The following RUNDC3B variants were observed in gnomAD, a reference collection of about 807,000 sequenced individuals.
RUNDC3B encodes the protein RUN domain-containing protein 3B.
In RUNDC3B, 33 loss-of-function variants were observed where a neutral mutation model predicts 58.4. The observed-to-expected ratio is 0.56, with a 90% confidence interval of 0.43 to 0.75. The LOEUF is 0.75. Among genes scored for constraint, RUNDC3B ranks in the 30% least tolerant of loss-of-function variants. The probability of loss-of-function intolerance (pLI) is 0.00; values close to 1 mark genes in which losing one functional copy is unlikely to be tolerated. For missense variants in RUNDC3B, 501 were observed against 535.7 expected (o/e 0.94, Z 0.64); for synonymous variants, 193 against 195.2 (o/e 0.99, Z 0.10).
At chr7:87,763,600 ATCTT>A (rs1482942945) in intron 6 of RUNDC3B, among the ~76,000 whole-genome samples, 1 of 151,612 alleles carries the variant, frequency 6.6e-6, no homozygotes, top group African/African-American at 2.4e-5. Context: ...TTTTCTGTCT[ATCTT>A]CCATTTTACA....
At chr7:87,674,748 C>T (rs957298623) in intron 2 of RUNDC3B, among the ~76,000 whole-genome samples, 3 of 152,062 alleles carry the variant, frequency 2.0e-5, no homozygotes, top group African/African-American at 4.8e-5. Context: ...CATCTGAGGC[C>T]GCATTGCAAG....
At chr7:87,822,557 T>C (rs1029127790) in intron 10 of RUNDC3B, among the ~76,000 whole-genome samples, 1 of 152,226 alleles carries the variant, frequency 6.6e-6, no homozygotes, top group African/African-American at 2.4e-5. Context: ...CAAAGGACTA[T>C]AAATCATGCT....
At chr7:87,795,371 GA>G (rs1835758975) in intron 8 of RUNDC3B, among the ~76,000 whole-genome samples, 1 of 152,272 alleles carries the variant, frequency 6.6e-6, no homozygotes, top group East Asian at 1.9e-4. Context: ...ACAGGCATAT[GA>G]AAAGGTGCTC....
chr7:87,679,218 A>G (rs1318322929), intron 2 of RUNDC3B, among the ~76,000 whole-genome samples: 1 of 146,636 alleles, frequency 6.8e-6, no homozygotes, highest in Non-Finnish European at 1.5e-5. Flanking sequence ...TCAGCCTCCC[A>G]AGAAGCTGGG....
intron 3 of RUNDC3B, among the ~76,000 whole-genome samples, chr7:87,704,845 A>G (rs905139001): frequency 1.3e-5 from 2 of 152,216 alleles, no homozygotes; most frequent in Non-Finnish European, 2.9e-5. Context: ...CTACTCAGTA[A>G]GTCACATCTC....
chr7:87,757,904 A>G (rs1833460265), intron 6 of RUNDC3B, among the ~76,000 whole-genome samples: 1 of 152,210 alleles, frequency 6.6e-6, no homozygotes, highest in African/African-American at 2.4e-5. Flanking sequence ...GCACTGGGGA[A>G]AGGACACTCT....
chr7:87,823,791 T>TATACAC (rs1420987913), intron 10 of RUNDC3B, among the ~76,000 whole-genome samples: 7 of 143,782 alleles, frequency 4.9e-5, no homozygotes, highest in African/African-American at 1.5e-4. Flanking sequence ...TTCATATATA[T>TATACAC]ACACACACAC....
chr7:87,686,439 A>T (rs1038629444), intron 2 of RUNDC3B, among the ~76,000 whole-genome samples: 17 of 152,214 alleles, frequency 1.1e-4, no homozygotes, highest in African/African-American at 4.1e-4. Context: ...GAGGCATAGA[A>T]GTACCTCAAA....
chr7:87,714,978 A>C (rs982713003), intron 4 of RUNDC3B, among the ~76,000 whole-genome samples: 6 of 152,046 alleles, frequency 3.9e-5, no homozygotes, highest in East Asian at 1.9e-4. Flanking sequence ...TTTACACAAT[A>C]CTGCATGCAA....
At chr7:87,675,701 CAAAG>C (rs1380989959) in intron 2 of RUNDC3B, among the ~76,000 whole-genome samples, 35 of 103,166 alleles carry the variant, frequency 3.4e-4, no homozygotes, top group Middle Eastern at 5.3e-3. Flanking sequence ...AGAAAGAAAA[CAAAG>C]AAAGAGAGAG....
chr7:87,760,736 T>G (rs1358730204), intron 6 of RUNDC3B, among the ~76,000 whole-genome samples: 2 of 152,086 alleles, frequency 1.3e-5, no homozygotes, highest in African/African-American at 2.4e-5. Context: ...TAAAGAATAG[T>G]GTTTTCACTA....
chr7:87,638,345 T>TTGTGTGTGTGTGTGTG (rs71524692), intron 1 of RUNDC3B, among the ~76,000 whole-genome samples: 333 of 144,772 alleles, frequency 2.3e-3, no homozygotes, highest in East Asian at 7.8e-3. Context: ...AAGTATGTGT[T>TTGTGTGTGTGTGTGTG]TGTGTGTGTG....
At chr7:87,809,991 AACATTAGCT>A (rs1171364949) in intron 9 of RUNDC3B, among the ~76,000 whole-genome samples, 1 of 152,152 alleles carries the variant, frequency 6.6e-6, no homozygotes, top group Non-Finnish European at 1.5e-5. Flanking sequence ...TTTAATAAGG[AACATTAGCT>A]CTCTTGACAA....
intron 6 of RUNDC3B, among the ~76,000 whole-genome samples, chr7:87,744,710 A>G (rs540000490): frequency 1.3e-5 from 2 of 152,258 alleles, no homozygotes; most frequent in South Asian, 4.1e-4. Flanking sequence ...AATCATAGGA[A>G]CTTTCTGGAG....
chr7:87,816,007 A>G, intron 9 of RUNDC3B, 134 bp from the exon 10 acceptor site: 1 of 637,760 alleles, frequency 1.6e-6, no homozygotes. Context: ...CAAGAATATG[A>G]AGCAAAATTT....
chr7:87,827,338 T>C (rs1837869942), intron 10 of RUNDC3B, among the ~76,000 whole-genome samples: 1 of 151,770 alleles, frequency 6.6e-6, no homozygotes, highest in Non-Finnish European at 1.5e-5. Flanking sequence ...AAATACAAAA[T>C]TAGCCAGGTG....
In RUNDC3B at chr7:87,770,677, C is replaced by T. The variant is rs1349346289; in HGVS notation, c.726C>T (p.Leu242=). ...STPENVGPPF[L]MDENSWFNKC... ...CAGAGAATGTCGGACCTCCTTTCCT[C>T]ATGGATGAGAACAGTTGGTTCAACA... Residue 242 remains leucine (L), a synonymous_variant, in exon 7 of 11, where the codon CTC becomes CTT. Transcript: ENST00000394654. The T allele has an allele frequency of 3.7e-6, 6 of 1,613,528 alleles. No homozygotes were observed. The South Asian group carries it at 4.4e-5, about 12-fold the overall frequency.
intron 8 of RUNDC3B, among the ~76,000 whole-genome samples, chr7:87,792,657 C>G (rs577888579): frequency 2.6e-4 from 39 of 151,974 alleles, no homozygotes; most frequent in Non-Finnish European, 4.4e-4. Flanking sequence ...TTTATTGAAA[C>G]AAATGTTAAT....
chr7:87,723,111 TAGG>T (rs1401434345), intron 4 of RUNDC3B, among the ~76,000 whole-genome samples: 2 of 152,086 alleles, frequency 1.3e-5, no homozygotes, highest in African/African-American at 4.8e-5. Context: ...AACATAAAAG[TAGG>T]AGAATGCAAT....
Sources: gnomAD v4.1 joint callset for allele counts (sites outside exome capture counted in the v4.1 genomes callset) on GRCh38, gnomAD v4.1.1 for gene constraint, MANE v1.5 for transcripts, NCBI Gene and HGNC (gene_info 2026-07-23, HGNC 2026-07-21) for gene names.